TENM2: variants seen among roughly 807,000 people sequenced by gnomAD.
TENM2 encodes the protein teneurin transmembrane protein 2.
TENM2 carries 52 observed loss-of-function variants against 245.2 expected under a neutral mutation model. The observed-to-expected ratio is 0.21, with a 90% CI of 0.17 to 0.27. The LOEUF is 0.27. Among genes scored for constraint, TENM2 ranks in the 10% least tolerant of loss-of-function variants. The pLI, the probability that TENM2 is intolerant of heterozygous loss-of-function variation, is 1.00. For synonymous variants in TENM2, 1,363 were observed against 1,438.9 expected, an observed-to-expected ratio of 0.95 and a Z score of 1.19; for missense variants, 3,046 against 3,666.8, an observed-to-expected ratio of 0.83 and a Z score of 4.37.
the TENM2 span, among the ~76,000 whole-genome samples, chr5:167,212,934 A>G: frequency 1.3e-5 from 2 of 152,192 alleles, no homozygotes; most frequent in Non-Finnish European, 2.9e-5. Context: ...GACATTTTAT[A>G]TGAGTTTGAA....
At chr5:167,650,023 T>G (rs995970262) in intron 2 of TENM2, among the ~76,000 whole-genome samples, 7 of 152,208 alleles carry the variant, frequency 4.6e-5, no homozygotes, top group Admixed American at 1.3e-4. Context: ...TCTTCCCACC[T>G]CCACTTTGGA....
downstream of TENM2, chr5:168,263,249 T>G: frequency 2.5e-5 from 4 of 160,294 alleles, no homozygotes; most frequent in Non-Finnish European, 4.2e-5. Context: ...GAAGGCCTCA[T>G]ATCCAATTAC....
intron 2 of TENM2, among the ~76,000 whole-genome samples, chr5:167,399,266 A>G (rs1413845115): frequency 6.6e-6 from 1 of 152,202 alleles, no homozygotes; most frequent in East Asian, 1.9e-4. Flanking sequence ...AGAGTTGATG[A>G]TAAAAGGAGC....
At chr5:167,552,899 G>A (rs1773045105) in intron 2 of TENM2, among the ~76,000 whole-genome samples, 1 of 149,110 alleles carries the variant, frequency 6.7e-6, no homozygotes, top group South Asian at 2.2e-4. Context: ...GATAGGTGCT[G>A]ATGTGCAATG....
intron 4 of TENM2, among the ~76,000 whole-genome samples, chr5:167,968,561 C>T (rs1583514156): frequency 1.3e-5 from 2 of 152,264 alleles, no homozygotes; most frequent in East Asian, 3.9e-4. Context: ...TATTGCACAC[C>T]AATAATACGA....
the TENM2 span, among the ~76,000 whole-genome samples, chr5:167,270,509 C>T: frequency 6.6e-6 from 1 of 152,122 alleles, no homozygotes; most frequent in Admixed American, 6.6e-5. Context: ...CTCAATTCTT[C>T]TTTGTCTCTT....
intron 5 of TENM2, among the ~76,000 whole-genome samples, chr5:168,034,095 A>ATATATATATATATATGTG (rs1562077236): frequency 2.1e-5 from 2 of 95,362 alleles, no homozygotes; most frequent in African/African-American, 8.0e-5. Context: ...ATATATGTGT[A>ATATATATATATATATGTG]TATATATATG....
At chr5:166,996,421 C>T in the TENM2 span, among the ~76,000 whole-genome samples, 1 of 152,180 alleles carries the variant, frequency 6.6e-6, no homozygotes, top group African/African-American at 2.4e-5. Flanking sequence ...ATGCCTGCAT[C>T]CATAAATAAA....
At chr5:167,878,813 G>T (rs926334563) in intron 3 of TENM2, among the ~76,000 whole-genome samples, 3 of 152,170 alleles carry the variant, frequency 2.0e-5, no homozygotes, top group African/African-American at 7.2e-5. Flanking sequence ...CACAAACAAA[G>T]TGGCCTTGTG....
chr5:168,047,665 CG>C, intron 6 of TENM2, 116 bp downstream of exon 8: 6 of 1,275,940 alleles, frequency 4.7e-6, no homozygotes, highest in Non-Finnish European at 6.4e-6. Flanking sequence ...GAAAAAGAAA[CG>C]GGGGGAAAAA....
At chr5:167,759,382 T>G (rs1461464861) in intron 2 of TENM2, among the ~76,000 whole-genome samples, 1 of 152,112 alleles carries the variant, frequency 6.6e-6, no homozygotes, top group African/African-American at 2.4e-5. Context: ...GAGTGTTGGC[T>G]GTTTGTTAGG....
At chr5:168,094,905 A>G (rs909550255) in intron 8 of TENM2, among the ~76,000 whole-genome samples, 3 of 151,882 alleles carry the variant, frequency 2.0e-5, no homozygotes, top group African/African-American at 7.3e-5. Flanking sequence ...GCAGCATTAG[A>G]TTATCATAGG....
intron 8 of TENM2, among the ~76,000 whole-genome samples, chr5:168,091,895 G>C (rs1028414743): frequency 6.6e-5 from 10 of 152,176 alleles, no homozygotes; most frequent in Non-Finnish European, 1.2e-4. Flanking sequence ...TTATCTCTCT[G>C]AGCCTCAGTT....
rs777170514 is a variant in TENM2 at position 167,853,289 on chromosome 5, C to CAAAAAAAAAAA, written c.503-22684_503-22674dup. ...TGGGAGACAGAGCGAGACTCCGTCT[C>CAAAAAAAAAAA]AAAAAAAAAAAAAAAAAAAAAAAGA... is the stretch of plus-strand genomic sequence containing the variant. On this transcript the variant is annotated intron_variant, in intron 2 of 28. Coordinates refer to ENST00000518659, the Ensembl canonical transcript of TENM2. Among the ~76,000 whole-genome samples, 190 of 24,570 alleles carry CAAAAAAAAAAA rather than the reference C, an allele frequency of 7.7e-3. 25 individuals carry two copies. Among genetic ancestry groups the CAAAAAAAAAAA allele is most frequent in the African/African-American group, 0.011 (74 of 6,620 alleles). 16.1% of individuals were successfully genotyped at this position (24,570 alleles called of 152,430 possible).
At chr5:168,224,584 G>A (rs1457071639) in intron 23 of TENM2, among the ~76,000 whole-genome samples, 1 of 152,154 alleles carries the variant, frequency 6.6e-6, no homozygotes, top group East Asian at 1.9e-4. Context: ...ACAGGCCACA[G>A]CGGTCCTTTC....
intron 2 of TENM2, among the ~76,000 whole-genome samples, chr5:167,390,285 A>G (rs1396936193): frequency 6.6e-6 from 1 of 152,158 alleles, no homozygotes; most frequent in Non-Finnish European, 1.5e-5. Context: ...CTTTTTCCAT[A>G]TTAAGTATGT....
chr5:167,791,363 C>G (rs1764946377), intron 2 of TENM2, among the ~76,000 whole-genome samples: 1 of 138,564 alleles, frequency 7.2e-6, no homozygotes, highest in Non-Finnish European at 1.6e-5. Context: ...TGTAAATATT[C>G]CACAGGATGG....
intron 2 of TENM2, among the ~76,000 whole-genome samples, chr5:167,505,859 GA>G (rs900338380): frequency 1.2e-4 from 19 of 152,082 alleles, no homozygotes; most frequent in Admixed American, 1.2e-3. Flanking sequence ...CATGACCTTG[GA>G]TGAAGGAAGT....
At chr5:167,396,415 C>T in intron 2 of TENM2, among the ~76,000 whole-genome samples, 1 of 152,150 alleles carries the variant, frequency 6.6e-6, no homozygotes, top group East Asian at 1.9e-4. Flanking sequence ...TAATCAAACT[C>T]ATAAAAGCAC....
Sources: gnomAD v4.1 joint callset for allele counts (sites outside exome capture counted in the v4.1 genomes callset) on GRCh38, gnomAD v4.1.1 for gene constraint, MANE v1.5 for transcripts, NCBI Gene and HGNC (gene_info 2026-07-23, HGNC 2026-07-21) for gene names.